AXIN1: variants seen among roughly 807,000 people sequenced by gnomAD.
The protein encoded by AXIN1 is axin-1.
In AXIN1, 30 loss-of-function variants were observed where a neutral mutation model predicts 76.4. The ratio of observed to expected loss-of-function variants is 0.39; its 90% CI spans 0.29 to 0.53. AXIN1 has a LOEUF of 0.53. Among genes scored for constraint, AXIN1 ranks in the 20% least tolerant of loss-of-function variants. The probability of loss-of-function intolerance (pLI) is 0.66; values close to 1 mark genes in which losing one functional copy is unlikely to be tolerated. For synonymous variants in AXIN1, 545 were observed against 501.4 expected, an observed-to-expected ratio of 1.09 and a Z score of -1.16; for missense variants, 1,140 against 1,198.8, an observed-to-expected ratio of 0.95 and a Z score of 0.72.
chr16:338,039 CA>C (rs1243985284), intron 2 of AXIN1, among the ~76,000 whole-genome samples: 2 of 152,168 alleles, frequency 1.3e-5, no homozygotes, highest in Non-Finnish European at 2.9e-5. Context: ...TGCTTCCCTC[CA>C]CACGCACAAG....
At chr16:317,942 G>C (rs1597054992) in intron 2 of AXIN1, among the ~76,000 whole-genome samples, 2 of 152,336 alleles carry the variant, frequency 1.3e-5, no homozygotes, top group Admixed American at 1.3e-4. Flanking sequence ...ATTTCAAATG[G>C]AAGAGAGAAG....
At chr16:295,063 C>CAAAAAAAAAAAAAAAA (rs1247311711) in intron 7 of AXIN1, among the ~76,000 whole-genome samples, 1 of 60,600 alleles carries the variant, frequency 1.7e-5, no homozygotes, top group Non-Finnish European at 3.4e-5. Flanking sequence ...GACTCCGTCT[C>CAAAAAAAAAAAAAAAA]AAAAAAAAAA....
At chr16:294,701 G>A (rs1007004713) in intron 7 of AXIN1, among the ~76,000 whole-genome samples, 6 of 136,764 alleles carry the variant, frequency 4.4e-5, no homozygotes, top group Admixed American at 2.4e-4. Flanking sequence ...GTTGCAGTGC[G>A]TTGACACTGG....
chr16:341,908 T>A (rs1434425103), intron 2 of AXIN1, among the ~76,000 whole-genome samples: 8 of 152,196 alleles, frequency 5.3e-5, no homozygotes, highest in African/African-American at 1.9e-4. Context: ...GTGGACACTC[T>A]GTATCTAGCT....
intron 6 of AXIN1, among the ~76,000 whole-genome samples, 165 bp from the exon 7 acceptor site, chr16:297,391 G>T (rs1486013020): frequency 6.7e-6 from 1 of 150,222 alleles, no homozygotes; most frequent in Non-Finnish European, 1.5e-5. Context: ...CCGCCAGCTT[G>T]TCCCCCACCC....
At chr16:315,845 A>C (rs1050211095) in intron 2 of AXIN1, among the ~76,000 whole-genome samples, 4 of 150,916 alleles carry the variant, frequency 2.7e-5, no homozygotes, top group Non-Finnish European at 5.9e-5. Context: ...AAAAAAAAAA[A>C]AAAAAAAGAA....
At chr16:336,015 A>G (rs1445698231) in intron 2 of AXIN1, among the ~76,000 whole-genome samples, 3 of 152,198 alleles carry the variant, frequency 2.0e-5, no homozygotes, top group Non-Finnish European at 2.9e-5. Flanking sequence ...CAGGGGGATC[A>G]CTTGAGGTCA....
At chr16:310,690 G>A (rs214237) in intron 3 of AXIN1, among the ~76,000 whole-genome samples, 10 of 152,188 alleles carry the variant, frequency 6.6e-5, no homozygotes, top group Admixed American at 2.0e-4. Context: ...CGCAAGCCAC[G>A]GCGCCCGGCC....
chr16:321,138 G>A (rs115971096), intron 2 of AXIN1, among the ~76,000 whole-genome samples: 1,842 of 152,178 alleles, frequency 0.012, 42 homozygotes, highest in African/African-American at 0.042. Context: ...GGAATCACCC[G>A]AAACCACTGC....
intron 2 of AXIN1, among the ~76,000 whole-genome samples, chr16:325,930 G>T (rs1360780199): frequency 6.6e-6 from 1 of 151,944 alleles, no homozygotes; most frequent in East Asian, 1.9e-4. Context: ...CCACAGAGAG[G>T]GCCCCACTCA....
chr16:301,008 C>T (rs1010084362), intron 5 of AXIN1, among the ~76,000 whole-genome samples: 12 of 152,192 alleles, frequency 7.9e-5, no homozygotes, highest in African/African-American at 2.2e-4. Context: ...CTGGAGTTCA[C>T]GCCTGTAATC....
intron 2 of AXIN1, among the ~76,000 whole-genome samples, chr16:339,196 C>CAAAA (rs1002630324): frequency 8.7e-5 from 3 of 34,672 alleles, no homozygotes; most frequent in South Asian, 1.2e-3. Context: ...AGCCTGGTCT[C>CAAAA]AAAAAAAAAA....
Position 287,622 on chromosome 16 carries a change from A to G in AXIN1, c.*500T>C. 3.2e-6 allele frequency: 1 copy of G among 312,342 alleles called. No individual in the cohort carries two copies. Among genetic ancestry groups the G allele is most frequent in the Non-Finnish European group, 6.0e-6 (1 of 166,588 alleles). 19.3% of individuals were successfully genotyped at this position (312,342 alleles called of 1,614,324 possible). ...CCAGGACTGCACAGCCGGCGGCTGG[A>G]GGCAGGTGCAGTGCTCCGTCGCCGA... is the stretch of plus-strand genomic sequence containing the variant. On this transcript the variant is annotated 3_prime_UTR_variant, in exon 11 of 11. Transcript: ENST00000262320.
In AXIN1 at chr16:352,407, G is replaced by A; in HGVS notation, c.-120C>T. The A allele has an allele frequency of 1.2e-6, 1 of 848,854 alleles. No homozygotes were observed. Among genetic ancestry groups the A allele is most frequent in the South Asian group, 5.9e-5 (1 of 16,916 alleles). 52.6% of individuals were successfully genotyped at this position (848,854 alleles called of 1,614,324 possible). On this transcript the variant is annotated 5_prime_UTR_variant, in exon 1 of 11. Transcript: ENST00000262320. ...TGGCGGGACCCCGGGCCCGGCTCCC[G>A]GAGCGGCGCGGCGCGGTCCGGGCCC...
chr16:309,545 G>A (rs984108862), intron 4 of AXIN1, among the ~76,000 whole-genome samples: 1 of 152,156 alleles, frequency 6.6e-6, no homozygotes, highest in Non-Finnish European at 1.5e-5. Context: ...CAGCTTTAAA[G>A]TCAAGACGTT....
intron 2 of AXIN1, among the ~76,000 whole-genome samples, chr16:320,092 C>A (rs2053404919): frequency 6.6e-6 from 1 of 152,140 alleles, no homozygotes; most frequent in South Asian, 2.1e-4. Flanking sequence ...GAACCGACAG[C>A]CCCCCACACA....
chr16:330,435 C>T (rs2053671430), intron 2 of AXIN1, among the ~76,000 whole-genome samples: 1 of 152,184 alleles, frequency 6.6e-6, no homozygotes, highest in African/African-American at 2.4e-5. Context: ...CAATAATGTA[C>T]ATGAAGAACA....
chr16:319,387 C>A (rs944778995), intron 2 of AXIN1, among the ~76,000 whole-genome samples: 6 of 152,160 alleles, frequency 3.9e-5, no homozygotes, highest in Admixed American at 3.9e-4. Flanking sequence ...GAAAAACGTG[C>A]CCATCACAGA....
At chr16:322,395 T>C (rs749057933) in intron 2 of AXIN1, among the ~76,000 whole-genome samples, 1 of 152,208 alleles carries the variant, frequency 6.6e-6, no homozygotes, top group Non-Finnish European at 1.5e-5. Flanking sequence ...CAGTGGAGTG[T>C]GCACCTGTGC....
Sources: gnomAD v4.1 joint callset for allele counts (sites outside exome capture counted in the v4.1 genomes callset) on GRCh38, gnomAD v4.1.1 for gene constraint, MANE v1.5 for transcripts, NCBI Gene and HGNC (gene_info 2026-07-23, HGNC 2026-07-21) for gene names.